Variants in LOC400499 observed in about 807,000 individuals in gnomAD.
At chr16:11,417,538 A>G in the LOC400499 span, 45,319 of 397,898 alleles carry the variant, frequency 0.11, 3,077 homozygotes, top group African/African-American at 0.24. Context: ...ACTTGACAGG[A>G]GTGCCACCTG....
the LOC400499 span, among the ~76,000 whole-genome samples, chr16:11,444,418 G>A: frequency 1.8e-3 from 272 of 152,206 alleles, 1 homozygote; most frequent in Admixed American, 4.1e-3. Flanking sequence ...GACCCTCTAA[G>A]TCAGGGGTCA....
chr16:11,459,743 G>A, the LOC400499 span, among the ~76,000 whole-genome samples: 1 of 152,226 alleles, frequency 6.6e-6, no homozygotes, highest in Non-Finnish European at 1.5e-5. Context: ...TGGGGTCATG[G>A]GGCTGGAGAT....
chr16:11,448,607 G>C, the LOC400499 span, among the ~76,000 whole-genome samples: 1 of 152,126 alleles, frequency 6.6e-6, no homozygotes, highest in Non-Finnish European at 1.5e-5. Flanking sequence ...TGTGCCTATA[G>C]TTCTAACTAC....
At chr16:11,402,785 C>A in the LOC400499 span, among the ~76,000 whole-genome samples, 1 of 152,274 alleles carries the variant, frequency 6.6e-6, no homozygotes, top group South Asian at 2.1e-4. Context: ...CAAGGCGCCA[C>A]GCTTGCTTTA....
the LOC400499 span, chr16:11,491,665 G>GCCCCC: frequency 2.9e-6 from 1 of 344,464 alleles, no homozygotes; most frequent in Non-Finnish European, 5.2e-6. Context: ...CCCCACCCCT[G>GCCCCC]CCCACACCCC....
At chr16:11,459,941 G>A in the LOC400499 span, 3 of 1,504,820 alleles carry the variant, frequency 2.0e-6, no homozygotes, top group African/African-American at 2.8e-5. Flanking sequence ...CATTCTTGAA[G>A]GTCTGGCTGA....
At chr16:11,489,948 G>C in the LOC400499 span, among the ~76,000 whole-genome samples, 1 of 152,124 alleles carries the variant, frequency 6.6e-6, no homozygotes, top group Non-Finnish European at 1.5e-5. Flanking sequence ...TGCTTCTAAC[G>C]GCAAAAGACC....
chr16:11,450,440 C>T, the LOC400499 span, among the ~76,000 whole-genome samples: 16 of 152,302 alleles, frequency 1.1e-4, no homozygotes, highest in East Asian at 1.7e-3. Context: ...AATTCTTCTA[C>T]GTCACTTAGG....
At chr16:11,522,681 T>C in the LOC400499 span, among the ~76,000 whole-genome samples, 1 of 152,232 alleles carries the variant, frequency 6.6e-6, no homozygotes, top group East Asian at 1.9e-4. Context: ...AGAGGTTAAC[T>C]AACTTACACA....
chr16:11,402,192 C>T, the LOC400499 span: 1 of 399,074 alleles, frequency 2.5e-6, no homozygotes, highest in East Asian at 3.6e-5. Flanking sequence ...AAGGGTAGGG[C>T]ACGTGAGCTG....
At chr16:11,401,831 C>T in the LOC400499 span, among the ~76,000 whole-genome samples, 2 of 152,242 alleles carry the variant, frequency 1.3e-5, no homozygotes, top group Non-Finnish European at 2.9e-5. Flanking sequence ...GAGCCACCGT[C>T]ACTGCCGTGG....
At chr16:11,468,030 C>T in the LOC400499 span, among the ~76,000 whole-genome samples, 1 of 151,936 alleles carries the variant, frequency 6.6e-6, no homozygotes, top group African/African-American at 2.4e-5. Context: ...GCTCTGGGGG[C>T]TTCTAGAATC....
At chr16:11,473,434 G>A in the LOC400499 span, among the ~76,000 whole-genome samples, 4 of 151,728 alleles carry the variant, frequency 2.6e-5, no homozygotes, top group Non-Finnish European at 4.4e-5. Flanking sequence ...CATATTCAGT[G>A]TTGCTGGCTT....
chr16:11,464,440 G>A, the LOC400499 span, among the ~76,000 whole-genome samples: 2 of 152,244 alleles, frequency 1.3e-5, no homozygotes, highest in African/African-American at 4.8e-5. Context: ...AACACTAGTT[G>A]TAAATGTGTC....
chr16:11,520,028 C>T, the LOC400499 span, among the ~76,000 whole-genome samples: 507 of 152,018 alleles, frequency 3.3e-3, 2 homozygotes, highest in African/African-American at 0.011. Context: ...ATATGAGGTA[C>T]CTAAAAACAG....
At chr16:11,465,561 G>C in the LOC400499 span, 5 of 151,830 alleles carry the variant, frequency 3.3e-5, no homozygotes, top group East Asian at 5.8e-4. Context: ...CACCTACTGA[G>C]ATGAAAACGA....
chr16:11,514,736 A>C, the LOC400499 span, among the ~76,000 whole-genome samples: 1 of 152,298 alleles, frequency 6.6e-6, no homozygotes, highest in Non-Finnish European at 1.5e-5. Context: ...GATTGTGGCA[A>C]CATCAGCCCA....
chr16:11,474,735 G>A, the LOC400499 span, among the ~76,000 whole-genome samples: 1 of 152,042 alleles, frequency 6.6e-6, no homozygotes, highest in Non-Finnish European at 1.5e-5. Context: ...TGGGCAGGGT[G>A]GTGAGTGCCT....
At chr16:11,377,153 G>C in the LOC400499 span, among the ~76,000 whole-genome samples, 1 of 152,032 alleles carries the variant, frequency 6.6e-6, no homozygotes, top group Non-Finnish European at 1.5e-5. Context: ...TTGGATTCTT[G>C]ACTGTTAGCA....
Sources: gnomAD v4.1 joint callset for allele counts (sites outside exome capture counted in the v4.1 genomes callset) on GRCh38, gnomAD v4.1.1 for gene constraint, MANE v1.5 for transcripts.